The following SYPL1 variants were observed in gnomAD, a reference collection of about 807,000 sequenced individuals.
SYPL1 encodes synaptophysin like 1, also known as synaptophysin-like protein 1.
SYPL1 carries 6 observed loss-of-function variants against 23.7 expected under a neutral mutation model. That is an observed-to-expected ratio of 0.25 (90% CI 0.14 to 0.50). The LOEUF (loss-of-function observed/expected upper bound fraction) is 0.50. SYPL1 is among the 20% of genes least tolerant of loss of function. The pLI, the probability that SYPL1 is intolerant of heterozygous loss-of-function variation, is 0.98. For missense variants in SYPL1, 253 were observed against 288.9 expected, an observed-to-expected ratio of 0.88 and a Z score of 0.90; for synonymous variants, 102 against 104.5, an observed-to-expected ratio of 0.98 and a Z score of 0.15.
intron 1 of SYPL1, 98 bp from the exon 2 acceptor site, chr7:106,099,380 A>C: frequency 7.3e-7 from 1 of 1,371,334 alleles, no homozygotes; most frequent in Non-Finnish European, 9.9e-7. Flanking sequence ...ACTGATTATT[A>C]AAAATTGGCT....
chr7:106,112,535 G>C (rs776676628), upstream of SYPL1: 2 of 1,511,154 alleles, frequency 1.3e-6, no homozygotes, highest in Non-Finnish European at 1.8e-6. Context: ...GCCATACTGC[G>C]TGCGCCGCGC....
Position 106,100,175 on chromosome 7 carries a change from T to C in SYPL1, c.70-893A>G, listed in dbSNP as rs932807959. 2.0e-5 allele frequency among the ~76,000 whole-genome samples: 3 copies of C among 152,228 alleles called. No homozygotes were observed. Among genetic ancestry groups the C allele is most frequent in the African/African-American group, 7.2e-5 (3 of 41,450 alleles). On this transcript the variant is annotated intron_variant, in intron 1 of 4. Coordinates refer to ENST00000455385, the MANE Select transcript of SYPL1 (RefSeq NM_182715.4). The surrounding 1 kb of genome is among the most constrained non-coding windows in gnomAD (Gnocchi z 5.1). ...CCTGTTAAACCTCCCTTGTGGGTAT[T>C]TCCAGGTCTCAAAAAGTTGTTGGAA...
At chr7:106,101,158 A>G (rs911768328) in intron 1 of SYPL1, among the ~76,000 whole-genome samples, 1 of 151,258 alleles carries the variant, frequency 6.6e-6, no homozygotes. Flanking sequence ...TATTCCCTCT[A>G]CTCTATTTCT....
At chr7:106,101,657 T>G (rs1392823352) in intron 1 of SYPL1, among the ~76,000 whole-genome samples, 5 of 151,562 alleles carry the variant, frequency 3.3e-5, no homozygotes, top group Non-Finnish European at 7.4e-5. Flanking sequence ...CTAAATAATG[T>G]TTTATGTTAA....
intron 4 of SYPL1, 191 bp downstream of exon 4, chr7:106,092,758 G>A (rs370207618): frequency 5.3e-6 from 3 of 566,922 alleles, no homozygotes. Context: ...ATAAAATCAT[G>A]ATCTTGGTTA....
At position 106,092,977 on chromosome 7, in the gene SYPL1, G is replaced by GCGA; in HGVS notation, c.562_563insTCG (p.Thr188delinsIleAla). 1 of 1,607,746 alleles carries GCGA rather than the reference G, an allele frequency of 6.2e-7. No individual in the cohort carries two copies. Among genetic ancestry groups the GCGA allele is most frequent in the Admixed American group, 1.7e-5 (1 of 59,008 alleles). Reference sequence around the variant, plus strand: ...AGATACATTTAGGGATCCCATACTGGTCACAGAGCCAAAGTAACACAGTAC... The same window carrying GCGA: ...AGATACATTTAGGGATCCCATACTGGCGATCACAGAGCCAAAGTAACACAGTAC... On this transcript the variant is annotated protein_altering_variant, in exon 4 of 5. Coordinates refer to ENST00000455385, the MANE Select transcript of SYPL1 (RefSeq NM_182715.4).
chr7:106,092,447 C>T, intron 4 of SYPL1: 1 of 222,202 alleles, frequency 4.5e-6, no homozygotes, highest in Non-Finnish European at 9.1e-6. Context: ...CTGAAGCAGG[C>T]AGATCACTTG....
chr7:106,105,568 A>G (rs1235234640), intron 1 of SYPL1, among the ~76,000 whole-genome samples: 2 of 150,470 alleles, frequency 1.3e-5, no homozygotes, highest in African/African-American at 4.9e-5. Context: ...CTCAGGGTGA[A>G]TAGTACAGCC....
chr7:106,112,098 G>A (rs750650030), intron 1 of SYPL1, 42 bp downstream of exon 1: 2 of 1,396,070 alleles, frequency 1.4e-6, no homozygotes, highest in Admixed American at 2.3e-5. Flanking sequence ...AGGGCGCCGC[G>A]CCGAGCGGCA....
At chr7:106,112,509 C>T (rs944154163), upstream of SYPL1, 7 of 1,523,922 alleles carry the variant, frequency 4.6e-6, no homozygotes, top group African/African-American at 1.0e-4. Context: ...GCTGGCGAAC[C>T]AAGTAGATGT....
intron 1 of SYPL1, among the ~76,000 whole-genome samples, 173 bp from the exon 2 acceptor site, chr7:106,099,455 G>C (rs900048625): frequency 2.0e-5 from 3 of 152,100 alleles, no homozygotes; most frequent in Non-Finnish European, 4.4e-5. Flanking sequence ...ACACTGGCAC[G>C]ATCAGGGCTC....
Position 106,097,854 on chromosome 7 carries a change from A to ATAT in SYPL1, c.235_237dup (p.Ile79dup). 1 of 1,613,870 alleles carries ATAT rather than the reference A, an allele frequency of 6.2e-7. No individual in the cohort carries two copies. The highest frequency in any genetic ancestry group is 8.5e-7 in the Non-Finnish European group (1 of 1,179,842). ...ACGTAATCTTTCCAATTTACATCACATATGTTTACACCTGGAGGTGGCTGA... is the reference window on the plus strand; with the variant it reads ...ACGTAATCTTTCCAATTTACATCACATATTATGTTTACACCTGGAGGTGGCTGA... On this transcript the variant is annotated inframe_insertion, in exon 3 of 5. Transcript: ENST00000455385. This position sits in a 1 kb window ranked among gnomAD's most constrained non-coding sequence, Gnocchi z 4.6.
chr7:106,101,637 A>T (rs1012429469), intron 1 of SYPL1, among the ~76,000 whole-genome samples: 1 of 152,060 alleles, frequency 6.6e-6, no homozygotes, highest in African/African-American at 2.4e-5. Flanking sequence ...ATCATTTTTC[A>T]TTATTTGTAC....
At chr7:106,094,283 T>C (rs1839904581) in intron 3 of SYPL1, among the ~76,000 whole-genome samples, 1 of 152,228 alleles carries the variant, frequency 6.6e-6, no homozygotes, top group South Asian at 2.1e-4. Context: ...TTTATTTTAA[T>C]GATAAAAACC....
chr7:106,111,864 C>G, intron 1 of SYPL1: 1 of 207,264 alleles, frequency 4.8e-6, no homozygotes, highest in Non-Finnish European at 9.5e-6. Context: ...TCCCACTCCA[C>G]GGGGACACCC....
At chr7:106,110,827 ATTAG>A (rs1585946061) in intron 1 of SYPL1, among the ~76,000 whole-genome samples, 1 of 152,368 alleles carries the variant, frequency 6.6e-6, no homozygotes, top group East Asian at 1.9e-4. Context: ...AATCTAAATT[ATTAG>A]TTATACATTT....
chr7:106,102,414 C>G (rs1840376013), intron 1 of SYPL1, among the ~76,000 whole-genome samples: 1 of 152,178 alleles, frequency 6.6e-6, no homozygotes, highest in Non-Finnish European at 1.5e-5. Flanking sequence ...CAACTTCTGT[C>G]TTCCTTTCTC....
rs1362863487 is a variant in SYPL1, at chr7:106,100,360, T to C, written c.70-1078A>G. Among the ~76,000 whole-genome samples the C allele has an allele frequency of 6.6e-6, 1 of 152,202 alleles. No individual in the cohort carries two copies. Among genetic ancestry groups the C allele is most frequent in the Non-Finnish European group, 1.5e-5 (1 of 68,036 alleles). On this transcript the variant is annotated intron_variant, in intron 1 of 4. Coordinates refer to ENST00000455385, the MANE Select transcript of SYPL1 (RefSeq NM_182715.4). The surrounding 1 kb of genome is among the most constrained non-coding windows in gnomAD (Gnocchi z 5.1). ...CATGCAATGAAACATTATATAGCTG[T>C]TGGAAATTAACAACATAGAATGTTG...
intron 4 of SYPL1, among the ~76,000 whole-genome samples, chr7:106,092,327 A>G (rs550590176): frequency 6.6e-6 from 1 of 152,322 alleles, no homozygotes; most frequent in East Asian, 1.9e-4. Flanking sequence ...GCCACAAAAA[A>G]AGAGGAGTCA....
Sources: gnomAD v4.1 joint callset for allele counts (sites outside exome capture counted in the v4.1 genomes callset) on GRCh38, gnomAD v4.1.1 for gene constraint, Gnocchi (gnomAD v3.1) non-coding constraint, MANE v1.5 for transcripts, NCBI Gene and HGNC (gene_info 2026-07-23, HGNC 2026-07-21) for gene names.